TLDC2: variants seen among roughly 807,000 people sequenced by gnomAD.
The protein encoded by TLDC2 is TLD domain-containing protein 2.
In TLDC2, 23 loss-of-function variants were observed where a neutral mutation model predicts 27.9. The observed-to-expected ratio is 0.82, with a 90% CI of 0.59 to 1.17. The LOEUF (loss-of-function observed/expected upper bound fraction) is 1.17, where lower values mean the gene tolerates loss of function less well. Among genes scored for constraint, TLDC2 ranks in the 50% most tolerant of loss-of-function variants. The pLI, the probability that TLDC2 is intolerant of heterozygous loss-of-function variation, is 0.00. For synonymous variants in TLDC2, 124 were observed against 107.4 expected (o/e 1.16, Z -0.96); for missense variants, 286 against 273.4 (o/e 1.05, Z -0.32).
At chr20:36,876,376 G>C (rs1015344887) in intron 1 of TLDC2, among the ~76,000 whole-genome samples, 169 bp downstream of exon 1, 1 of 152,260 alleles carries the variant, frequency 6.6e-6, no homozygotes, top group East Asian at 1.9e-4. Context: ...CAGGAACATG[G>C]GGTCTTAACA....
At chr20:36,891,627 T>C (rs1179241546) in intron 6 of TLDC2, 1 of 152,224 alleles carries the variant, frequency 6.6e-6, no homozygotes, top group Non-Finnish European at 1.5e-5. Context: ...GAAAACGAAG[T>C]TACCTAGCGG....
chr20:36,878,800 G>A (rs534333425), intron 2 of TLDC2, among the ~76,000 whole-genome samples: 2 of 152,048 alleles, frequency 1.3e-5, no homozygotes, highest in East Asian at 3.9e-4. Flanking sequence ...CTACCCATGC[G>A]AGCTTTGGGC....
intron 6 of TLDC2, chr20:36,892,650 T>C: frequency 2.2e-6 from 1 of 457,572 alleles, no homozygotes; most frequent in Non-Finnish European, 4.0e-6. Context: ...AAAATAGAGT[T>C]CAGAATAGAT....
At chr20:36,889,017 G>A (rs11906414) in intron 5 of TLDC2, among the ~76,000 whole-genome samples, 27,432 of 151,982 alleles carry the variant, frequency 0.18, 2,732 homozygotes, top group African/African-American at 0.25. Context: ...GCAAGACTCC[G>A]TTTCAATAAA....
chr20:36,889,224 G>A (rs775723159), intron 5 of TLDC2, 27 bp from the exon 6 acceptor site: 22 of 1,611,838 alleles, frequency 1.4e-5, no homozygotes, highest in African/African-American at 5.3e-5. Flanking sequence ...GGAGTGAGCC[G>A]CACCAAGACT....
At position 36,889,390 on chromosome 20, in the gene TLDC2, C is replaced by T; in HGVS notation, c.*4C>T. 5 of 1,613,276 alleles carry T rather than the reference C, an allele frequency of 3.1e-6. No homozygotes were observed. The highest frequency in any genetic ancestry group is 4.2e-6 in the Non-Finnish European group (5 of 1,179,874). On this transcript the variant is annotated 3_prime_UTR_variant, in exon 6 of 7. Transcript: ENST00000217320. ...GGAGGCTTGGCTTCTCAGCTGACAG[C>T]CCTGCGGCAACAGGTACTCAGCCCT... is the stretch of plus-strand genomic sequence containing the variant.
At chr20:36,879,995 G>A (rs1001620208) in intron 3 of TLDC2, among the ~76,000 whole-genome samples, 3 of 147,350 alleles carry the variant, frequency 2.0e-5, no homozygotes, top group African/African-American at 5.0e-5. Flanking sequence ...ATTAAGAGAT[G>A]GCTTTACTTT....
At chr20:36,884,495 G>A (rs1394220535) in intron 4 of TLDC2, among the ~76,000 whole-genome samples, 5 of 152,020 alleles carry the variant, frequency 3.3e-5, no homozygotes, top group Non-Finnish European at 7.4e-5. Flanking sequence ...GGTGGCTCAC[G>A]TCTGTAATCC....
chr20:36,878,172 T>C, intron 2 of TLDC2, 118 bp downstream of exon 2: 3 of 1,149,592 alleles, frequency 2.6e-6, no homozygotes, highest in Non-Finnish European at 3.6e-6. Flanking sequence ...GTTCTCATCA[T>C]GCGTTACCTC....
chr20:36,885,058 G>A (rs1989893225), intron 4 of TLDC2, among the ~76,000 whole-genome samples: 1 of 151,840 alleles, frequency 6.6e-6, no homozygotes, highest in Non-Finnish European at 1.5e-5. Context: ...TGTATTTTTA[G>A]TAGAGACAGG....
At chr20:36,886,600 G>A (rs895652081) in intron 4 of TLDC2, among the ~76,000 whole-genome samples, 1 of 152,042 alleles carries the variant, frequency 6.6e-6, no homozygotes, top group African/African-American at 2.4e-5. Context: ...TCAAAAGAGA[G>A]AGAAAAAAAA....
intron 6 of TLDC2, chr20:36,892,353 G>A (rs1990096879): frequency 5.5e-6 from 1 of 181,886 alleles, no homozygotes; most frequent in Admixed American, 5.5e-5. Flanking sequence ...CCTCAAACTT[G>A]AGGTGACAGG....
chr20:36,889,227 C>G, intron 5 of TLDC2, 24 bp from the exon 6 acceptor site: 6 of 1,613,080 alleles, frequency 3.7e-6, no homozygotes, highest in Non-Finnish European at 5.1e-6. Context: ...GTGAGCCGCA[C>G]CAAGACTGTC....
intron 4 of TLDC2, among the ~76,000 whole-genome samples, chr20:36,885,996 T>C (rs1989912578): frequency 6.6e-6 from 1 of 152,128 alleles, no homozygotes; most frequent in African/African-American, 2.4e-5. Flanking sequence ...AGAGGGATTC[T>C]AGGTCAGGAA....
intron 4 of TLDC2, among the ~76,000 whole-genome samples, chr20:36,886,464 G>A (rs569774383): frequency 5.3e-5 from 8 of 152,268 alleles, no homozygotes; most frequent in South Asian, 2.1e-4. Context: ...GTGGTGGTGC[G>A]TGCCTGTAGT....
In TLDC2 at chr20:36,893,199, A is replaced by T; in HGVS notation, c.*355A>T. 1 of 1,118,646 alleles carries T rather than the reference A, an allele frequency of 8.9e-7. No individual in the cohort carries two copies. Among genetic ancestry groups the T allele is most frequent in the Non-Finnish European group, 1.3e-6 (1 of 762,702 alleles). The allele number at this position is 1,118,646 out of a possible 1,614,324, so 69.3% of individuals were successfully genotyped here. Reference sequence around the variant, plus strand: ...GCTTCTAGCTGTCCTCAATCCAGGGAAACTCCAAATTACATATGCCCTGTG... The same window carrying T: ...GCTTCTAGCTGTCCTCAATCCAGGGTAACTCCAAATTACATATGCCCTGTG... On this transcript the variant is annotated 3_prime_UTR_variant, in exon 7 of 7. Coordinates refer to ENST00000217320, the MANE Select transcript of TLDC2 (RefSeq NM_080628.3).
rs1990147441 is a variant in TLDC2 at position 36,894,091 on chromosome 20, T to C, written c.*1247T>C. 2.5e-6 allele frequency: 1 copy of C among 396,544 alleles called. No individual in the cohort carries two copies. Among genetic ancestry groups the C allele is most frequent in the Non-Finnish European group, 4.4e-6 (1 of 225,384 alleles). 24.6% of individuals were successfully genotyped at this position (396,544 alleles called of 1,614,324 possible). ...TTGGTCTCTCCTATCCTAGAGGTGG[T>C]AGCAGCTTCCTGCTGTTGAATCACT... On this transcript the variant is annotated 3_prime_UTR_variant, in exon 7 of 7. Coordinates refer to ENST00000217320, the MANE Select transcript of TLDC2 (RefSeq NM_080628.3).
chr20:36,887,635 G>A (rs1410221151), intron 5 of TLDC2, 107 bp downstream of exon 5: 1 of 1,076,952 alleles, frequency 9.3e-7, no homozygotes, highest in Admixed American at 1.8e-5. Flanking sequence ...CGAGGCTAGT[G>A]GGGAACTCTC....
At chr20:36,880,073 A>ATATATATATATATGTG (rs1402503856) in intron 3 of TLDC2, among the ~76,000 whole-genome samples, 1 of 40,574 alleles carries the variant, frequency 2.5e-5, no homozygotes, top group Non-Finnish European at 6.9e-5. Flanking sequence ...ATATATACAT[A>ATATATATATATATGTG]TATATATATA....
Sources: allele counts gnomAD v4.1 joint callset (sites outside exome capture counted in the v4.1 genomes callset), GRCh38; gene constraint gnomAD v4.1.1; transcripts MANE v1.5; gene names NCBI Gene and HGNC (gene_info 2026-07-23, HGNC 2026-07-21).